ZNF804A: variants seen among roughly 807,000 people sequenced by gnomAD.
ZNF804A encodes the protein zinc finger protein 804A.
Under a neutral mutation model 16.5 loss-of-function variants are expected in ZNF804A, and 2 were observed. The observed-to-expected ratio is 0.12, with a 90% CI of 0.05 to 0.38. The LOEUF (loss-of-function observed/expected upper bound fraction) is 0.38, where lower values mean the gene tolerates loss of function less well. Among genes scored for constraint, ZNF804A ranks in the 10% least tolerant of loss-of-function variants. The pLI is 0.99. For missense variants in ZNF804A, 1,473 were observed against 1,390.7 expected (o/e 1.06, Z -0.94); for synonymous variants, 534 against 489.6 (o/e 1.09, Z -1.20).
At chr2:184,744,089 A>G (rs917750529) in intron 1 of ZNF804A, among the ~76,000 whole-genome samples, 1 of 151,970 alleles carries the variant, frequency 6.6e-6, no homozygotes, top group Non-Finnish European at 1.5e-5. Flanking sequence ...CAAATAACAC[A>G]GGAAGTGGAG....
At chr2:184,799,912 G>A (rs1043020853) in intron 1 of ZNF804A, among the ~76,000 whole-genome samples, 1 of 151,960 alleles carries the variant, frequency 6.6e-6, no homozygotes, top group African/African-American at 2.4e-5. Context: ...TTAAGTGTGG[G>A]GAGAATTTGT....
chr2:184,717,596 G>A (rs780443457), intron 1 of ZNF804A, among the ~76,000 whole-genome samples: 45 of 152,168 alleles, frequency 3.0e-4, no homozygotes, highest in Non-Finnish European at 1.6e-4. Flanking sequence ...AAGAACTGTG[G>A]AAAAGGGTTA....
At chr2:184,701,597 A>G (rs190894912) in intron 1 of ZNF804A, among the ~76,000 whole-genome samples, 2 of 152,036 alleles carry the variant, frequency 1.3e-5, no homozygotes, top group East Asian at 3.9e-4. Flanking sequence ...AAAGGGAGAA[A>G]AGAAAGGTTT....
intron 1 of ZNF804A, among the ~76,000 whole-genome samples, chr2:184,824,893 T>C (rs1223786770): frequency 1.3e-5 from 2 of 151,992 alleles, no homozygotes; most frequent in Non-Finnish European, 2.9e-5. Context: ...CGACCAAGGT[T>C]CAAAGGGAAG....
At chr2:184,644,173 G>A (rs1386906466) in intron 1 of ZNF804A, among the ~76,000 whole-genome samples, 1 of 151,174 alleles carries the variant, frequency 6.6e-6, no homozygotes, top group African/African-American at 2.4e-5. Flanking sequence ...TAACTGTCAG[G>A]GTTAGAGGTA....
At chr2:184,845,632 G>A (rs1236281074) in intron 1 of ZNF804A, among the ~76,000 whole-genome samples, 1 of 152,042 alleles carries the variant, frequency 6.6e-6, no homozygotes, top group Non-Finnish European at 1.5e-5. Flanking sequence ...TTGGAACCAG[G>A]CCTTTATTAA....
intron 1 of ZNF804A, among the ~76,000 whole-genome samples, chr2:184,817,821 A>G (rs996225391): frequency 6.6e-6 from 1 of 152,048 alleles, no homozygotes; most frequent in African/African-American, 2.4e-5. Flanking sequence ...CTTGAAGACT[A>G]TCTTTCCGAA....
At chr2:184,639,001 G>A (rs888011627) in intron 1 of ZNF804A, among the ~76,000 whole-genome samples, 4 of 149,068 alleles carry the variant, frequency 2.7e-5, no homozygotes, top group African/African-American at 9.9e-5. Flanking sequence ...ACAAGCTTGA[G>A]TTCATCACTT....
Position 184,777,708 on chromosome 2 carries a change from T to C in ZNF804A, c.112-88661T>C, listed in dbSNP as rs76681631. On this transcript the variant is annotated intron_variant, in intron 1 of 3. Transcript: ENST00000302277. ...TTTAATTTATAGCTTCACCCTTCAT[T>C]TATCTTTTAATTGGTCTTTTGTTGT... 7.7e-3 allele frequency among the ~76,000 whole-genome samples: 1,163 copies of C among 151,826 alleles called. 18 individuals carry two copies. The highest frequency in any genetic ancestry group is 0.027 in the African/African-American group (1,106 of 41,512).
intron 1 of ZNF804A, among the ~76,000 whole-genome samples, chr2:184,642,111 A>G (rs957951781): frequency 6.6e-6 from 1 of 152,174 alleles, no homozygotes; most frequent in Non-Finnish European, 1.5e-5. Context: ...CTTACAGTGT[A>G]GAAAGACCCC....
chr2:184,750,552 G>A (rs918326448), intron 1 of ZNF804A, among the ~76,000 whole-genome samples: 7 of 151,240 alleles, frequency 4.6e-5, no homozygotes, highest in African/African-American at 1.7e-4. Context: ...CATTTTTAAT[G>A]TATACAACTT....
intron 1 of ZNF804A, among the ~76,000 whole-genome samples, chr2:184,636,042 GA>G (rs1212783570): frequency 6.6e-6 from 1 of 152,086 alleles, no homozygotes; most frequent in Non-Finnish European, 1.5e-5. Flanking sequence ...CATGGATTAT[GA>G]AGTAAAGTTG....
intron 1 of ZNF804A, among the ~76,000 whole-genome samples, chr2:184,756,412 T>C (rs757122570): frequency 3.3e-5 from 5 of 151,946 alleles, no homozygotes; most frequent in Admixed American, 6.6e-5. Flanking sequence ...AATGAATATG[T>C]TTCTGTAACT....
chr2:184,820,444 A>G (rs981120832), intron 1 of ZNF804A, among the ~76,000 whole-genome samples: 2 of 152,096 alleles, frequency 1.3e-5, no homozygotes, highest in Non-Finnish European at 2.9e-5. Context: ...TATATGACAA[A>G]CTTACAGCCA....
At chr2:184,725,872 G>A (rs1021822002) in intron 1 of ZNF804A, among the ~76,000 whole-genome samples, 1 of 151,498 alleles carries the variant, frequency 6.6e-6, no homozygotes, top group Non-Finnish European at 1.5e-5. Flanking sequence ...GTTATTCCAA[G>A]AAATCATATA....
At chr2:184,663,607 C>T (rs939539244) in intron 1 of ZNF804A, among the ~76,000 whole-genome samples, 5 of 152,000 alleles carry the variant, frequency 3.3e-5, no homozygotes, top group Admixed American at 6.6e-5. Context: ...CAGGGATGGC[C>T]GGAAGCAATG....
Position 184,937,970 on chromosome 2 carries a change from A to G in ZNF804A, c.2574A>G (p.Lys858=). 1.2e-6 allele frequency: 2 copies of G among 1,613,894 alleles called. No homozygotes were observed. Among genetic ancestry groups the G allele is most frequent in the South Asian group, 1.1e-5 (1 of 91,084 alleles). ...LISEDKKEKM[K]PQEVAKIERN... Reference sequence around the variant, plus strand: ...GTGAAGACAAAAAAGAGAAAATGAAACCACAAGAAGTTGCAAAAATCGAAA... The same window carrying G: ...GTGAAGACAAAAAAGAGAAAATGAAGCCACAAGAAGTTGCAAAAATCGAAA... Residue 858 remains lysine (K), a synonymous_variant, in exon 4 of 4, where the codon AAA becomes AAG. Transcript: ENST00000302277.
At chr2:184,912,423 T>G (rs576405998) in intron 2 of ZNF804A, among the ~76,000 whole-genome samples, 1 of 151,970 alleles carries the variant, frequency 6.6e-6, no homozygotes, top group South Asian at 2.1e-4. Flanking sequence ...TGTGTAAAAT[T>G]TTTTGTTTGA....
Position 184,936,488 on chromosome 2 carries a change from C to T in ZNF804A, c.1092C>T (p.Asp364=). The change falls in exon 4 of 4, where the codon GAC becomes GAT. Residue 364 remains aspartate, a synonymous_variant. Coordinates refer to ENST00000302277, the MANE Select transcript of ZNF804A (RefSeq NM_194250.2). ...ELLGNKSTVL[D]MSNDCISVQA... ...TAGGAAATAAATCCACAGTTCTTGA[C>T]ATGTCTAATGATTGCATATCTGTGC... The T allele has an allele frequency of 6.2e-7, 1 of 1,613,890 alleles. No individual in the cohort carries two copies. The highest frequency in any genetic ancestry group is 8.5e-7 in the Non-Finnish European group (1 of 1,179,932).
Sources: gnomAD v4.1 joint callset for allele counts (sites outside exome capture counted in the v4.1 genomes callset) on GRCh38, gnomAD v4.1.1 for gene constraint, MANE v1.5 for transcripts, NCBI Gene and HGNC (gene_info 2026-07-23, HGNC 2026-07-21) for gene names.